RARB: variants seen among roughly 807,000 people sequenced by gnomAD.
RARB encodes the protein HBV-activated protein.
A neutral mutation model predicts 51.9 loss-of-function variants in RARB; 17 were observed. The observed-to-expected ratio is 0.33, with a 90% confidence interval of 0.22 to 0.49. The LOEUF (loss-of-function observed/expected upper bound fraction) is 0.49. Ranked by LOEUF, RARB falls within the 20% of genes least tolerant of loss-of-function variation. The pLI is 0.99. For missense variants in RARB, 369 were observed against 550.8 expected (o/e 0.67, Z 3.30); for synonymous variants, 215 against 195.4 (o/e 1.10, Z -0.84).
At chr3:25,161,335 C>A (rs1049710448) in intron 4 of RARB, among the ~76,000 whole-genome samples, 1 of 152,016 alleles carries the variant, frequency 6.6e-6, no homozygotes, top group Non-Finnish European at 1.5e-5. Flanking sequence ...GTGTGAGCTA[C>A]CACGCCTGGC....
At chr3:25,472,323 ACACCTGCTTCTTAAAAGCCCCGGC>A (rs1432485598) in intron 2 of RARB, among the ~76,000 whole-genome samples, 3 of 152,156 alleles carry the variant, frequency 2.0e-5, no homozygotes, top group Admixed American at 6.5e-5. Context: ...GGGAGGCAGT[ACACCTGCTTCTTAAAAGCCCCGGC>A]CAAGAATGGC....
intron 2 of RARB, among the ~76,000 whole-genome samples, chr3:24,937,917 C>T (rs544305962): frequency 1.3e-5 from 2 of 152,238 alleles, no homozygotes; most frequent in South Asian, 4.1e-4. Context: ...TGTCTGTGTT[C>T]TCTGAGCTAA....
chr3:24,983,287 G>GTT (rs963520715), intron 2 of RARB, among the ~76,000 whole-genome samples: 2 of 143,992 alleles, frequency 1.4e-5, no homozygotes, highest in African/African-American at 5.1e-5. Context: ...CCTTTTGTTT[G>GTT]TTTTTTTTTT....
intron 5 of RARB, among the ~76,000 whole-genome samples, chr3:25,326,896 T>C (rs915262373): frequency 1.3e-5 from 2 of 152,146 alleles, no homozygotes; most frequent in African/African-American, 2.4e-5. Context: ...AGTGCAGGTT[T>C]GTTACATACG....
chr3:25,201,148 C>G (rs565439630), intron 5 of RARB, among the ~76,000 whole-genome samples: 9 of 151,176 alleles, frequency 6.0e-5, no homozygotes, highest in Admixed American at 2.0e-4. Context: ...TCCTTCACAT[C>G]CCTTGTAAGT....
At chr3:25,298,813 G>T (rs1426176031) in intron 5 of RARB, among the ~76,000 whole-genome samples, 2 of 152,172 alleles carry the variant, frequency 1.3e-5, no homozygotes, top group South Asian at 2.1e-4. Context: ...GGACATGGAG[G>T]CTTAACTCTG....
At chr3:25,119,564 G>A (rs1457109446) in intron 3 of RARB, among the ~76,000 whole-genome samples, 1 of 151,868 alleles carries the variant, frequency 6.6e-6, no homozygotes, top group East Asian at 1.9e-4. Context: ...TCTTTCAAAT[G>A]CAGGGTGCAG....
chr3:25,145,912 G>A (rs1286270480), intron 4 of RARB, among the ~76,000 whole-genome samples: 1 of 151,944 alleles, frequency 6.6e-6, no homozygotes. Flanking sequence ...TGAGGCAGGA[G>A]AATCACTTGA....
intron 3 of RARB, among the ~76,000 whole-genome samples, chr3:25,100,760 G>A (rs991639268): frequency 1.3e-5 from 2 of 152,124 alleles, no homozygotes; most frequent in Non-Finnish European, 2.9e-5. Context: ...GATTCCCATA[G>A]CCACTCGGTC....
chr3:25,206,280 A>C (rs1390478289), intron 5 of RARB, among the ~76,000 whole-genome samples: 1 of 152,230 alleles, frequency 6.6e-6, no homozygotes, highest in Non-Finnish European at 1.5e-5. Flanking sequence ...GTGTTCTTAC[A>C]TAAATTTGAT....
At chr3:25,262,647 G>A (rs918279833) in intron 5 of RARB, among the ~76,000 whole-genome samples, 1 of 152,080 alleles carries the variant, frequency 6.6e-6, no homozygotes, top group African/African-American at 2.4e-5. Context: ...CTGATCTATT[G>A]TTCTGCTTTC....
chr3:25,432,121 T>G (rs983656238), intron 1 of RARB, among the ~76,000 whole-genome samples: 2 of 152,146 alleles, frequency 1.3e-5, no homozygotes, highest in African/African-American at 4.8e-5. Flanking sequence ...AAGAGGGACT[T>G]TTCCTTAAAT....
chr3:25,487,154 T>A (rs928615107), intron 2 of RARB, among the ~76,000 whole-genome samples: 15 of 152,172 alleles, frequency 9.9e-5, no homozygotes, highest in African/African-American at 3.6e-4. Flanking sequence ...AGCCTGGCCC[T>A]GTGCTACCCT....
chr3:25,479,430 T>C (rs1292234904), intron 2 of RARB, among the ~76,000 whole-genome samples: 1 of 152,238 alleles, frequency 6.6e-6, no homozygotes, highest in African/African-American at 2.4e-5. Context: ...TTTTCTTTTT[T>C]ACATTTCAAA....
chr3:25,569,996 A>T, intron 4 of RARB, 78 bp downstream of exon 4: 1 of 1,383,310 alleles, frequency 7.2e-7, no homozygotes, highest in Non-Finnish European at 9.8e-7. Flanking sequence ...ACACACACAC[A>T]CACACACACA....
chr3:25,156,424 G>A (rs563926087), intron 4 of RARB, among the ~76,000 whole-genome samples: 5 of 146,964 alleles, frequency 3.4e-5, no homozygotes, highest in African/African-American at 1.0e-4. Flanking sequence ...TGGAAATGTG[G>A]CCATTCATTG....
intron 5 of RARB, among the ~76,000 whole-genome samples, chr3:25,212,171 T>C (rs1169560740): frequency 6.6e-6 from 1 of 152,214 alleles, no homozygotes; most frequent in Non-Finnish European, 1.5e-5. Context: ...CTAAACTCTA[T>C]TTTTATTTTT....
At chr3:24,913,009 C>CTCGCTCTG (rs796983626) in intron 2 of RARB, among the ~76,000 whole-genome samples, 56 of 61,592 alleles carry the variant, frequency 9.1e-4, no homozygotes, top group African/African-American at 2.7e-3. Flanking sequence ...GAGACAGAGT[C>CTCGCTCTG]TCGCTCTGTC....
At chr3:25,028,528 T>C (rs1228453533) in intron 2 of RARB, among the ~76,000 whole-genome samples, 2 of 152,186 alleles carry the variant, frequency 1.3e-5, no homozygotes, top group Non-Finnish European at 2.9e-5. Flanking sequence ...TACTTCCATT[T>C]GGGACTAGGG....
Sources: gnomAD v4.1 joint callset for allele counts (sites outside exome capture counted in the v4.1 genomes callset) on GRCh38, gnomAD v4.1.1 for gene constraint, MANE v1.5 for transcripts, NCBI Gene and HGNC (gene_info 2026-07-23, HGNC 2026-07-21) for gene names.